RGL1: variants seen among roughly 807,000 people sequenced by gnomAD.
RGL1 encodes ral guanine nucleotide dissociation stimulator like 1.
Under a neutral mutation model 95.2 loss-of-function variants are expected in RGL1, and 24 were observed. That is an observed-to-expected ratio of 0.25 (90% CI 0.18 to 0.35). RGL1 has a LOEUF of 0.35. Among genes scored for constraint, RGL1 ranks in the 10% least tolerant of loss-of-function variants. RGL1 has a pLI of 1.00. For missense variants in RGL1, 715 were observed against 936.3 expected (o/e 0.76, Z 3.08); for synonymous variants, 329 against 344.9 (o/e 0.95, Z 0.51).
Position 183,926,300 on chromosome 1 carries a change from G to T in RGL1, c.*8G>T. The T allele has an allele frequency of 1.3e-6, 2 of 1,598,190 alleles. No individual in the cohort carries two copies. Among genetic ancestry groups the T allele is most frequent in the South Asian group, 1.1e-5 (1 of 89,398 alleles). On this transcript the variant is annotated 3_prime_UTR_variant, in exon 18 of 18. Transcript: ENST00000360851. The stretch of plus-strand genomic sequence containing the variant: ...AGCAAAATCACCCTCTGAAGGGAGG[G>T]ACCAGTGGCCCCTTGTTTGCCAAAG...
intron 1 of RGL1, among the ~76,000 whole-genome samples, chr1:183,639,282 C>CAAAAAAAA (rs1306405130): frequency 2.8e-5 from 2 of 70,844 alleles, no homozygotes. Flanking sequence ...CACTTCATCT[C>CAAAAAAAA]AAAAAAAAAA....
At chr1:183,831,819 A>G (rs1663276367) in intron 2 of RGL1, among the ~76,000 whole-genome samples, 1 of 152,178 alleles carries the variant, frequency 6.6e-6, no homozygotes, top group Non-Finnish European at 1.5e-5. Flanking sequence ...TTTGCTCTTA[A>G]AAATTTTACA....
At chr1:183,682,208 T>C (rs1653266792) in intron 1 of RGL1, among the ~76,000 whole-genome samples, 1 of 152,220 alleles carries the variant, frequency 6.6e-6, no homozygotes, top group African/African-American at 2.4e-5. Flanking sequence ...TGTTTTCTGC[T>C]AGCTTTTGAA....
intron 2 of RGL1, among the ~76,000 whole-genome samples, chr1:183,829,543 C>T (rs552348341): frequency 3.2e-4 from 48 of 150,866 alleles, no homozygotes; most frequent in African/African-American, 1.1e-3. Context: ...TTCTTTTTTT[C>T]ATACAGTTCA....
intron 2 of RGL1, among the ~76,000 whole-genome samples, chr1:183,844,077 T>A (rs1420492992): frequency 6.6e-6 from 1 of 152,118 alleles, no homozygotes; most frequent in Non-Finnish European, 1.5e-5. Flanking sequence ...CCACCCCCCT[T>A]GGCCTCCCGA....
intron 15 of RGL1, among the ~76,000 whole-genome samples, chr1:183,912,859 A>G (rs1668727920): frequency 1.3e-5 from 2 of 152,220 alleles, no homozygotes; most frequent in South Asian, 2.1e-4. Context: ...TCGCAAGCAT[A>G]TGTCAAGCCT....
chr1:183,875,414 C>T (rs558296374), intron 4 of RGL1, among the ~76,000 whole-genome samples: 26 of 152,274 alleles, frequency 1.7e-4, no homozygotes, highest in African/African-American at 3.6e-4. Context: ...CTGTGATTTG[C>T]GCATAATCGC....
At chr1:183,645,589 C>T (rs1650232115) in intron 1 of RGL1, among the ~76,000 whole-genome samples, 1 of 152,248 alleles carries the variant, frequency 6.6e-6, no homozygotes, top group African/African-American at 2.4e-5. Context: ...AACCCAATTT[C>T]TCTCTCTCAA....
At chr1:183,658,822 G>A (rs1041289951) in intron 1 of RGL1, among the ~76,000 whole-genome samples, 1 of 152,106 alleles carries the variant, frequency 6.6e-6, no homozygotes, top group African/African-American at 2.4e-5. Flanking sequence ...AGTAGGGGCA[G>A]ACTGACACCT....
intron 2 of RGL1, among the ~76,000 whole-genome samples, chr1:183,799,679 G>A (rs755638716): frequency 9.9e-5 from 15 of 152,132 alleles, no homozygotes; most frequent in African/African-American, 3.4e-4. Flanking sequence ...AGTTGTATGC[G>A]TTCCTTATAT....
At chr1:183,733,766 C>G (rs1202833382) in intron 1 of RGL1, among the ~76,000 whole-genome samples, 1 of 152,162 alleles carries the variant, frequency 6.6e-6, no homozygotes. Context: ...CTAACTAGAT[C>G]ATTATTATGT....
intron 2 of RGL1, among the ~76,000 whole-genome samples, chr1:183,786,968 C>T (rs1660209027): frequency 6.6e-6 from 1 of 152,184 alleles, no homozygotes; most frequent in Non-Finnish European, 1.5e-5. Context: ...TTTATACCTG[C>T]AAGTAGGTGA....
At chr1:183,657,330 T>C (rs1177769628) in intron 1 of RGL1, among the ~76,000 whole-genome samples, 1 of 152,234 alleles carries the variant, frequency 6.6e-6, no homozygotes, top group Admixed American at 6.5e-5. Flanking sequence ...AGGGTACATG[T>C]GCACAACGTG....
At chr1:183,775,749 C>A (rs1338020813) in intron 2 of RGL1, among the ~76,000 whole-genome samples, 1 of 152,138 alleles carries the variant, frequency 6.6e-6, no homozygotes, top group Admixed American at 6.5e-5. Flanking sequence ...TGGCATATAG[C>A]AAGGACTTGA....
chr1:183,729,271 T>C lies in RGL1; in HGVS notation c.-32-12855T>C, dbSNP rs79476215. On this transcript the variant is annotated intron_variant, in intron 1 of 18. Transcript: ENST00000304685. ...ATAAAGAAGTCTTTCAACTCACTGA[T>C]AGAACCAATTATAAAGTCAATAAAA... 1.8e-3 allele frequency among the ~76,000 whole-genome samples: 275 copies of C among 152,110 alleles called. 6 individuals carry two copies. The East Asian group carries it at 0.042, about 23-fold the overall frequency.
intron 4 of RGL1, among the ~76,000 whole-genome samples, chr1:183,875,789 G>A (rs535417650): frequency 1.4e-5 from 2 of 146,972 alleles, no homozygotes; most frequent in South Asian, 4.3e-4. Context: ...TGAGGCAGGA[G>A]AATCGCTTGA....
At chr1:183,781,329 A>G (rs1652848782) in intron 2 of RGL1, among the ~76,000 whole-genome samples, 4 of 152,188 alleles carry the variant, frequency 2.6e-5, no homozygotes, top group Admixed American at 2.6e-4. Flanking sequence ...GCTGGCTGAA[A>G]GTATTATGGA....
chr1:183,798,303 C>T (rs546429216), intron 2 of RGL1, among the ~76,000 whole-genome samples: 2 of 152,266 alleles, frequency 1.3e-5, no homozygotes, highest in South Asian at 4.2e-4. Flanking sequence ...CATTTCTTAC[C>T]ATTTTATGTT....
At chr1:183,827,641 C>T (rs946521267) in intron 2 of RGL1, among the ~76,000 whole-genome samples, 4 of 152,340 alleles carry the variant, frequency 2.6e-5, no homozygotes, top group South Asian at 2.1e-4. Context: ...GTTCAAGAGG[C>T]GTAGCCTGAC....
Sources: allele counts gnomAD v4.1 joint callset (sites outside exome capture counted in the v4.1 genomes callset), GRCh38; gene constraint gnomAD v4.1.1; transcripts MANE v1.5; gene names NCBI Gene and HGNC (gene_info 2026-07-23, HGNC 2026-07-21).